VPS53: variants seen among roughly 807,000 people sequenced by gnomAD.
VPS53 encodes vacuolar protein sorting-associated protein 53 homolog.
Under a neutral mutation model 107.0 loss-of-function variants are expected in VPS53, and 70 were observed. The ratio of observed to expected loss-of-function variants is 0.65; its 90% CI spans 0.54 to 0.80. The LOEUF (loss-of-function observed/expected upper bound fraction) is 0.80. Ranked by LOEUF, VPS53 falls within the 30% of genes least tolerant of loss-of-function variation. VPS53 has a pLI of 0.00. For synonymous variants in VPS53, 409 were observed against 393.3 expected, an observed-to-expected ratio of 1.04 and a Z score of -0.47; for missense variants, 917 against 1,049.4, an observed-to-expected ratio of 0.87 and a Z score of 1.74.
chr17:675,786 A>C (rs1046212039), intron 4 of VPS53: 1 of 151,702 alleles, frequency 6.6e-6, no homozygotes, highest in Non-Finnish European at 1.5e-5. Flanking sequence ...AAAAAAAAAA[A>C]AAACTTACTT....
chr17:607,460 G>A (rs972988233), intron 11 of VPS53, among the ~76,000 whole-genome samples: 5 of 152,178 alleles, frequency 3.3e-5, no homozygotes, highest in African/African-American at 1.2e-4. Flanking sequence ...CTACATTACT[G>A]CTCAGACTGA....
intron 7 of VPS53, among the ~76,000 whole-genome samples, chr17:647,230 G>A (rs994335046): frequency 7.2e-5 from 11 of 152,084 alleles, no homozygotes; most frequent in Non-Finnish European, 1.3e-4. Flanking sequence ...CCCTGCTTCA[G>A]CCTATCAATT....
chr17:656,728 GTGTT>G, intron 5 of VPS53: 2 of 622,242 alleles, frequency 3.2e-6, no homozygotes, highest in African/African-American at 1.9e-5. Flanking sequence ...GTGTGTGTGT[GTGTT>G]TTATCATGCC....
Position 551,930 on chromosome 17 carries a change from T to C in VPS53, c.1808A>G (p.Gln603Arg). The stretch of plus-strand genomic sequence containing the variant: ...AGCATCCAGATCCTGAACCAGCAGC[T>C]GAATACTGCTGGAGATGACGCTGCA... ...TFSTVISSSI[Q>R]LLVQDLDAAC... Residue 603 changes from glutamine (Q) to arginine (R), a missense_variant, in exon 17 of 22, where the codon CAG (glutamine) becomes CGG (arginine). Physicochemically the swap from Gln to Arg is conservative, Grantham distance 43. Coordinates refer to ENST00000437048, the MANE Select transcript of VPS53 (RefSeq NM_001128159.3). 1 of 1,601,634 alleles carries C rather than the reference T, an allele frequency of 6.2e-7. No individual in the cohort carries two copies. The highest frequency in any genetic ancestry group is 8.5e-7 in the Non-Finnish European group (1 of 1,173,682).
At chr17:637,340 C>T (rs1970239237) in intron 7 of VPS53, among the ~76,000 whole-genome samples, 1 of 152,044 alleles carries the variant, frequency 6.6e-6, no homozygotes, top group African/African-American at 2.4e-5. Flanking sequence ...AGCAGTCTAT[C>T]AATTTTGTTG....
intron 13 of VPS53, among the ~76,000 whole-genome samples, chr17:569,570 T>C (rs1318635831): frequency 6.6e-6 from 1 of 152,180 alleles, no homozygotes; most frequent in East Asian, 1.9e-4. Flanking sequence ...AAGTGACAGC[T>C]TTTCTTAAAG....
At chr17:530,806 C>T (rs995126041) in intron 19 of VPS53, among the ~76,000 whole-genome samples, 4 of 152,192 alleles carry the variant, frequency 2.6e-5, no homozygotes, top group Admixed American at 1.3e-4. Flanking sequence ...GTCAGTTCCA[C>T]GTGCCCTTGC....
intron 17 of VPS53, among the ~76,000 whole-genome samples, chr17:542,111 G>A (rs866420614): frequency 3.3e-5 from 5 of 151,846 alleles, no homozygotes; most frequent in African/African-American, 9.7e-5. Flanking sequence ...CGCACTGGGC[G>A]CTGAAGGAAC....
intron 13 of VPS53, among the ~76,000 whole-genome samples, chr17:563,691 A>G (rs1298090524): frequency 6.6e-6 from 1 of 152,220 alleles, no homozygotes; most frequent in African/African-American, 2.4e-5. Context: ...CCTTGTCCAG[A>G]GTAATACAGC....
Position 552,065 on chromosome 17 carries a change from C to T in VPS53, c.1788-115G>A, listed in dbSNP as rs1436934326. On this transcript the variant is annotated intron_variant, in intron 16 of 21. Coordinates refer to ENST00000437048, the MANE Select transcript of VPS53 (RefSeq NM_001128159.3). Reference sequence around the variant, plus strand: ...CATCATTTCACTGGCAAAGTTTGAGCTTTAATTAATGACAGCGGAGGAACA... The same window carrying T: ...CATCATTTCACTGGCAAAGTTTGAGTTTTAATTAATGACAGCGGAGGAACA... 5 of 985,038 alleles carry T rather than the reference C, an allele frequency of 5.1e-6. No homozygotes were observed. In the East Asian group the frequency reaches 1.2e-4, roughly 24 times the overall value. 61.0% of individuals were successfully genotyped at this position (985,038 alleles called of 1,614,324 possible).
At chr17:568,261 T>A (rs1054898911) in intron 13 of VPS53, among the ~76,000 whole-genome samples, 4 of 152,104 alleles carry the variant, frequency 2.6e-5, no homozygotes, top group African/African-American at 9.7e-5. Flanking sequence ...TTTATTTTTT[T>A]ATTTTTTTGA....
At chr17:532,819 GCC>G in intron 19 of VPS53, 21 bp downstream of exon 19, 1 of 1,613,172 alleles carries the variant, frequency 6.2e-7, no homozygotes, top group Non-Finnish European at 8.5e-7. Context: ...CCAGGCAAAT[GCC>G]TGATACTACG....
intron 4 of VPS53, among the ~76,000 whole-genome samples, chr17:688,545 C>G (rs190345264): frequency 6.6e-5 from 10 of 152,318 alleles, no homozygotes; most frequent in South Asian, 4.1e-4. Context: ...AACCCAGTTG[C>G]ACTACATTGT....
intron 4 of VPS53, among the ~76,000 whole-genome samples, chr17:672,885 G>A (rs1158328503): frequency 6.6e-6 from 1 of 152,200 alleles, no homozygotes; most frequent in Non-Finnish European, 1.5e-5. Flanking sequence ...GGCTGAGGAA[G>A]GTGGATCACG....
chr17:553,488 G>C lies in VPS53; in HGVS notation c.1705-26C>G, dbSNP rs766309000. ...CTGTTGAAAAACAGAAGAAATGGAT[G>C]CACGGTTAATGATTATCCAAAGAAG... On this transcript the variant is annotated intron_variant, in intron 15 of 21. Transcript: ENST00000437048. The C allele has an allele frequency of 3.3e-6, 5 of 1,538,162 alleles. No individual in the cohort carries two copies. In the South Asian group the frequency reaches 5.6e-5, roughly 17 times the overall value.
intron 11 of VPS53, among the ~76,000 whole-genome samples, chr17:612,190 A>C (rs1296373076): frequency 6.7e-6 from 1 of 150,246 alleles, no homozygotes; most frequent in African/African-American, 2.5e-5. Flanking sequence ...CACACAGTGA[A>C]AACCTGTACA....
At chr17:679,913 C>T (rs1348242090) in intron 4 of VPS53, among the ~76,000 whole-genome samples, 3 of 152,214 alleles carry the variant, frequency 2.0e-5, no homozygotes, top group East Asian at 1.9e-4. Context: ...TTTGGGAGGC[C>T]GAGGCAGGTG....
chr17:622,750 G>A (rs1033735331), intron 11 of VPS53, among the ~76,000 whole-genome samples: 2 of 151,812 alleles, frequency 1.3e-5, no homozygotes, highest in Non-Finnish European at 2.9e-5. Flanking sequence ...GAGATAGGGT[G>A]TCACTCTGTC....
intron 5 of VPS53, chr17:657,381 C>A (rs778187377): frequency 3.5e-5 from 28 of 792,954 alleles, no homozygotes; most frequent in Non-Finnish European, 5.9e-5. Context: ...CCGCTGCATG[C>A]AAATCTTCTT....
Sources: gnomAD v4.1 joint callset for allele counts (sites outside exome capture counted in the v4.1 genomes callset) on GRCh38, gnomAD v4.1.1 for gene constraint, MANE v1.5 for transcripts, NCBI Gene and HGNC (gene_info 2026-07-23, HGNC 2026-07-21) for gene names.